The following COL15A1 variants were observed in gnomAD, a reference collection of about 807,000 sequenced individuals.
The protein encoded by COL15A1 is collagen type XV alpha 1 chain.
A neutral mutation model predicts 165.9 loss-of-function variants in COL15A1; 111 were observed. The ratio of observed to expected loss-of-function variants is 0.67; its 90% CI spans 0.57 to 0.78. The LOEUF (loss-of-function observed/expected upper bound fraction) is 0.78, where lower values mean the gene tolerates loss of function less well. Ranked by LOEUF, COL15A1 falls within the 30% of genes least tolerant of loss-of-function variation. The pLI is 0.00. For missense variants in COL15A1, 1,745 were observed against 1,789.7 expected (o/e 0.98, Z 0.45); for synonymous variants, 659 against 674.8 (o/e 0.98, Z 0.36).
intron 2 of COL15A1, among the ~76,000 whole-genome samples, chr9:98,963,285 A>C (rs75298947): frequency 1.1e-4 from 17 of 148,228 alleles, no homozygotes; most frequent in African/African-American, 3.7e-4. Flanking sequence ...AAGTCCCCCC[A>C]AACACCTTAC....
intron 14 of COL15A1, among the ~76,000 whole-genome samples, chr9:99,024,303 T>C (rs1230947030): frequency 7.0e-6 from 1 of 143,304 alleles, no homozygotes; most frequent in East Asian, 2.0e-4. Flanking sequence ...TTTTTTGAGA[T>C]GGAGTCTTGC....
chr9:99,068,854 A>G (rs975537001), intron 41 of COL15A1, among the ~76,000 whole-genome samples, 184 bp downstream of exon 41: 2 of 152,228 alleles, frequency 1.3e-5, no homozygotes, highest in Admixed American at 6.5e-5. Context: ...CAGTAACTCA[A>G]TATGGAATCC....
chr9:98,966,726 C>T lies in COL15A1; in HGVS notation c.101-18839C>T, dbSNP rs930836283. On this transcript the variant is annotated intron_variant, in intron 2 of 41. Transcript: ENST00000375001. ...GCAGAAGGCTGCTCATTCAAAGCCTCCTGCTTAGGGAGAGGGGATTGCAGC... is the reference window on the plus strand; with the variant it reads ...GCAGAAGGCTGCTCATTCAAAGCCTTCTGCTTAGGGAGAGGGGATTGCAGC... Among the ~76,000 whole-genome samples, 10 of 152,320 alleles carry T rather than the reference C, an allele frequency of 6.6e-5. No individual in the cohort carries two copies. The South Asian group carries it at 1.2e-3, about 19-fold the overall frequency.
chr9:98,993,824 C>T (rs1368870730), intron 5 of COL15A1, among the ~76,000 whole-genome samples: 1 of 152,200 alleles, frequency 6.6e-6, no homozygotes, highest in Non-Finnish European at 1.5e-5. Flanking sequence ...CCGCCCGCCC[C>T]TTGTCTGTCT....
At chr9:98,963,166 C>T (rs556300550) in intron 2 of COL15A1, among the ~76,000 whole-genome samples, 8 of 152,216 alleles carry the variant, frequency 5.3e-5, no homozygotes, top group Admixed American at 2.6e-4. Context: ...TTCCACCCAG[C>T]GTGGTCCATG....
chr9:99,021,963 C>T, intron 12 of COL15A1, 128 bp from the exon 13 acceptor site: 1 of 1,303,370 alleles, frequency 7.7e-7, no homozygotes, highest in South Asian at 1.3e-5. Flanking sequence ...GCTGTCTCTG[C>T]AAAGGACAAT....
At chr9:99,028,543 C>T (rs908257445) in intron 16 of COL15A1, among the ~76,000 whole-genome samples, 7 of 152,052 alleles carry the variant, frequency 4.6e-5, no homozygotes, top group African/African-American at 1.2e-4. Context: ...CCCAGCTGCT[C>T]GGGAGGCTGA....
At chr9:99,008,031 C>T (rs1838791395) in intron 9 of COL15A1, among the ~76,000 whole-genome samples, 1 of 152,142 alleles carries the variant, frequency 6.6e-6, no homozygotes, top group Admixed American at 6.5e-5. Context: ...AGGACAATTT[C>T]ATTTGCAAAT....
At chr9:98,991,356 G>A (rs550061657) in intron 5 of COL15A1, among the ~76,000 whole-genome samples, 3 of 152,304 alleles carry the variant, frequency 2.0e-5, no homozygotes, top group East Asian at 3.9e-4. Flanking sequence ...GAGCTGATTG[G>A]TCCATTTTGA....
intron 9 of COL15A1, among the ~76,000 whole-genome samples, chr9:99,012,254 A>G (rs1308112104): frequency 1.3e-5 from 2 of 152,228 alleles, no homozygotes; most frequent in African/African-American, 4.8e-5. Flanking sequence ...TCTTTAAGCC[A>G]TTGTCATACC....
chr9:99,014,688 C>T (rs1246347134), intron 9 of COL15A1, among the ~76,000 whole-genome samples: 2 of 152,136 alleles, frequency 1.3e-5, no homozygotes, highest in Non-Finnish European at 2.9e-5. Context: ...AAGACATGCC[C>T]GTGACACAGC....
chr9:98,985,968 C>G lies in COL15A1; in HGVS notation c.504C>G (p.Val168=), dbSNP rs766012986. ...GGTGGAACCGCTTCGCCATGATTGT[C>G]CAGGGTGAGGAAGTGACCCTCCTCG... ...THRWNRFAMI[V]QGEEVTLLVN... The change falls in exon 3 of 42, where the codon GTC becomes GTG. Residue 168 remains valine (V), a synonymous_variant. Coordinates refer to ENST00000375001, the MANE Select transcript of COL15A1 (RefSeq NM_001855.5). The G allele has an allele frequency of 1.2e-6, 2 of 1,614,118 alleles. No individual in the cohort carries two copies. The highest frequency in any genetic ancestry group is 4.5e-5 in the East Asian group (2 of 44,870).
In COL15A1 at chr9:99,069,980, A is replaced by AGG. The variant is rs35236446; in HGVS notation, c.*95_*96insGG. The AGG allele has an allele frequency of 7.4e-6, 5 of 679,500 alleles. No homozygotes were observed. The highest frequency in any genetic ancestry group is 2.6e-5 in the South Asian group (1 of 37,852). The allele number at this position is 679,500 out of a possible 1,614,324, so 42.1% of individuals were successfully genotyped here. On this transcript the variant is annotated 3_prime_UTR_variant, in exon 42 of 42. Coordinates refer to ENST00000375001, the MANE Select transcript of COL15A1 (RefSeq NM_001855.5). ...AATGTTTAATTGTTGTAAATATTAC[A>AGG]GTTTTTTTTTTTTACTACATATTCT...
intron 2 of COL15A1, among the ~76,000 whole-genome samples, chr9:98,979,485 ATTTCT>A (rs1228869308): frequency 6.6e-6 from 1 of 152,008 alleles, no homozygotes; most frequent in African/African-American, 2.4e-5. Context: ...TAAGATTTTA[ATTTCT>A]TTTACTGTGT....
At chr9:98,962,285 C>T (rs983767571) in intron 2 of COL15A1, among the ~76,000 whole-genome samples, 6 of 152,130 alleles carry the variant, frequency 3.9e-5, no homozygotes, top group Non-Finnish European at 7.4e-5. Context: ...GGAGCAATTC[C>T]TTTAGACATG....
At chr9:99,025,317 A>G (rs951123103) in intron 15 of COL15A1, among the ~76,000 whole-genome samples, 9 of 152,168 alleles carry the variant, frequency 5.9e-5, no homozygotes, top group African/African-American at 2.2e-4. Flanking sequence ...TTCAGCAGAG[A>G]CTTTACCTTG....
chr9:98,990,967 C>T lies in COL15A1; in HGVS notation c.804+1709C>T, dbSNP rs116669423. ...CTTCCTTCTGGTGGGTTCCTGGTCT[C>T]GCTGTCTTCAAGAGTAAAGCTGCAG... On this transcript the variant is annotated intron_variant, in intron 5 of 41. Coordinates refer to ENST00000375001, the MANE Select transcript of COL15A1 (RefSeq NM_001855.5). Among the ~76,000 whole-genome samples, 958 of 152,164 alleles carry T rather than the reference C, an allele frequency of 6.3e-3. 7 individuals carry two copies. The highest frequency in any genetic ancestry group is 0.021 in the African/African-American group (854 of 41,512).
At chr9:99,034,687 A>T (rs757470621) in intron 17 of COL15A1, 103 bp downstream of exon 17, 29 of 1,452,798 alleles carry the variant, frequency 2.0e-5, no homozygotes, top group Middle Eastern at 2.5e-4. Context: ...TATTGAACAT[A>T]TAAATGTCAT....
Position 98,985,706 on chromosome 9 carries a change from C to T in COL15A1, c.242C>T (p.Thr81Ile). The change falls in exon 3 of 42, where the codon ACT becomes ATT. Residue 81 changes from threonine to isoleucine, a missense_variant. Transcript: ENST00000375001. The part of the protein sequence containing the change: ...PGANVGRPAR[T>I]LIPSTFFRDF... The stretch of plus-strand genomic sequence containing the variant: ...GCCAATGTTGGCCGCCCAGCCAGGA[C>T]TCTCATCCCATCCACCTTCTTCAGG... 1 of 1,614,258 alleles carries T rather than the reference C, an allele frequency of 6.2e-7. No individual in the cohort carries two copies. Among genetic ancestry groups the T allele is most frequent in the Non-Finnish European group, 8.5e-7 (1 of 1,180,058 alleles).
Sources: allele counts gnomAD v4.1 joint callset (sites outside exome capture counted in the v4.1 genomes callset), GRCh38; gene constraint gnomAD v4.1.1; transcripts MANE v1.5; gene names NCBI Gene and HGNC (gene_info 2026-07-23, HGNC 2026-07-21).